The following FARP1 variants were observed in gnomAD, a reference collection of about 807,000 sequenced individuals.
FARP1 encodes FERM, ARH/RhoGEF and pleckstrin domain protein 1.
A neutral mutation model predicts 128.8 loss-of-function variants in FARP1; 52 were observed. The ratio of observed to expected loss-of-function variants is 0.40; its 90% CI spans 0.32 to 0.51. FARP1 has a LOEUF of 0.51. FARP1 is among the 20% of genes least tolerant of loss of function. The pLI, the probability that FARP1 is intolerant of heterozygous loss-of-function variation, is 0.45. For synonymous variants in FARP1, 580 were observed against 551.8 expected, an observed-to-expected ratio of 1.05 and a Z score of -0.72; for missense variants, 1,333 against 1,367.9, an observed-to-expected ratio of 0.97 and a Z score of 0.40.
At chr13:98,288,548 A>G (rs925118065) in intron 2 of FARP1, among the ~76,000 whole-genome samples, 4 of 151,832 alleles carry the variant, frequency 2.6e-5, no homozygotes, top group African/African-American at 7.3e-5. Context: ...CCCATCACCA[A>G]CCCCTTCACT....
chr13:98,418,644 A>C (rs1257708784), intron 16 of FARP1, among the ~76,000 whole-genome samples: 1 of 152,196 alleles, frequency 6.6e-6, no homozygotes, highest in Non-Finnish European at 1.5e-5. Context: ...GTGACTATAT[A>C]GCTCACAGTG....
At chr13:98,202,319 A>T (rs1443310398) in intron 1 of FARP1, among the ~76,000 whole-genome samples, 2 of 152,128 alleles carry the variant, frequency 1.3e-5, no homozygotes, top group African/African-American at 4.8e-5. Context: ...TGGGTGTCTG[A>T]CACTTGATTT....
chr13:98,300,301 G>A (rs2139696207), intron 2 of FARP1, among the ~76,000 whole-genome samples: 1 of 152,316 alleles, frequency 6.6e-6, no homozygotes, highest in African/African-American at 2.4e-5. Context: ...AGGTCACTGG[G>A]AACTGTTCCT....
intron 2 of FARP1, among the ~76,000 whole-genome samples, chr13:98,334,836 C>T (rs7330530): frequency 0.012 from 1,893 of 152,288 alleles, 39 homozygotes; most frequent in African/African-American, 0.044. Context: ...GCAAGCCAGG[C>T]AGGGAGCCCT....
rs368153237 is a variant in FARP1, at chr13:98,411,949, A to G, written c.1741A>G (p.Lys581Glu). The G allele has an allele frequency of 4.3e-6, 7 of 1,613,976 alleles. No homozygotes were observed. The East Asian group carries it at 1.1e-4, about 26-fold the overall frequency. The change falls in exon 16 of 27, where the codon AAA becomes GAA. Residue 581 changes from lysine to glutamate, a missense_variant. Physicochemically the swap from Lys to Glu is moderately conservative, Grantham distance 56 (BLOSUM62 1). Around this residue, in one of 2 missense-constraint regions of FARP1, gnomAD observed 1,009 missense variants for 969.8 expected, o/e 1.04. Coordinates refer to ENST00000319562, the MANE Select transcript of FARP1 (RefSeq NM_005766.4). The stretch of plus-strand genomic sequence containing the variant: ...AGAGGACGCCATGCCGGAAGCACTG[A>G]AAAGTCTCATATTCCCGAATTTTGA... ...SKEDAMPEAL[K>E]SLIFPNFEPL...
chr13:98,309,665 G>A (rs1466739947), intron 2 of FARP1, among the ~76,000 whole-genome samples: 1 of 152,136 alleles, frequency 6.6e-6, no homozygotes, highest in East Asian at 1.9e-4. Context: ...CGAAAGGAGG[G>A]AGGAGTTGCC....
chr13:98,414,207 A>G (rs1891294726), intron 16 of FARP1, among the ~76,000 whole-genome samples: 1 of 152,236 alleles, frequency 6.6e-6, no homozygotes, highest in Non-Finnish European at 1.5e-5. Flanking sequence ...TCAGTAGAGT[A>G]TCTTTCTAAG....
At chr13:98,442,474 G>A (rs1230348774) in intron 24 of FARP1, among the ~76,000 whole-genome samples, 2 of 152,188 alleles carry the variant, frequency 1.3e-5, no homozygotes, top group Non-Finnish European at 2.9e-5. Flanking sequence ...GCTCCCCCAC[G>A]GGCACAGCCT....
chr13:98,164,247 G>A (rs888762051), intron 1 of FARP1, among the ~76,000 whole-genome samples: 3 of 152,154 alleles, frequency 2.0e-5, no homozygotes. Flanking sequence ...GGGCCACCTT[G>A]GTCCGTTTTG....
At chr13:98,174,020 C>T (rs1429711247) in intron 1 of FARP1, among the ~76,000 whole-genome samples, 1 of 152,202 alleles carries the variant, frequency 6.6e-6, no homozygotes, top group Admixed American at 6.5e-5. Flanking sequence ...CCCTGCAGTC[C>T]TGCTTGCTTC....
intron 2 of FARP1, among the ~76,000 whole-genome samples, chr13:98,324,112 A>G (rs1211128922): frequency 2.0e-5 from 3 of 152,196 alleles, no homozygotes; most frequent in African/African-American, 7.2e-5. Context: ...ATAGTCCTTT[A>G]TTTCATGCGT....
chr13:98,184,273 C>A (rs1878717468), intron 1 of FARP1, among the ~76,000 whole-genome samples: 1 of 151,932 alleles, frequency 6.6e-6, no homozygotes, highest in Non-Finnish European at 1.5e-5. Flanking sequence ...GCCTGCCACC[C>A]CACCCGGCTA....
At chr13:98,301,600 G>A (rs1885927648) in intron 2 of FARP1, among the ~76,000 whole-genome samples, 1 of 152,148 alleles carries the variant, frequency 6.6e-6, no homozygotes, top group African/African-American at 2.4e-5. Context: ...TGAAAGCTCA[G>A]CGTTTTCTAG....
intron 2 of FARP1, among the ~76,000 whole-genome samples, chr13:98,221,219 T>G (rs1881396329): frequency 6.6e-6 from 1 of 152,210 alleles, no homozygotes; most frequent in African/African-American, 2.4e-5. Flanking sequence ...GAAAGTAGGT[T>G]GTCTTCCTTC....
At chr13:98,367,892 C>CT (rs960095368) in intron 4 of FARP1, among the ~76,000 whole-genome samples, 2 of 152,094 alleles carry the variant, frequency 1.3e-5, no homozygotes, top group African/African-American at 4.8e-5. Flanking sequence ...CTATGTAGTA[C>CT]TTTTGTCACA....
At chr13:98,399,419 C>G (rs1890674463) in intron 13 of FARP1, 1 of 152,274 alleles carries the variant, frequency 6.6e-6, no homozygotes, top group South Asian at 2.1e-4. Flanking sequence ...TTTGGGGAGA[C>G]TCCAGTCCCC....
chr13:98,271,244 C>A (rs148475703), intron 2 of FARP1, among the ~76,000 whole-genome samples: 1 of 152,162 alleles, frequency 6.6e-6, no homozygotes, highest in African/African-American at 2.4e-5. Flanking sequence ...CTAATGAAAT[C>A]TAGAGTTTGG....
intron 1 of FARP1, among the ~76,000 whole-genome samples, chr13:98,203,106 C>A (rs1880051960): frequency 6.6e-6 from 1 of 152,204 alleles, no homozygotes; most frequent in Non-Finnish European, 1.5e-5. Context: ...CAGTCCCCAG[C>A]CTGCCTTGCT....
In FARP1 at chr13:98,257,447, A is replaced by G. The variant is rs570500837; in HGVS notation, c.171+44034A>G. 2.0e-5 allele frequency among the ~76,000 whole-genome samples: 3 copies of G among 151,698 alleles called. No homozygotes were observed. In the South Asian group the frequency reaches 6.2e-4, roughly 32 times the overall value. ...GTACGCCCTTCTTTCTGCACTATCT[A>G]TTATACATCTGTTTGAATCCCTCTT... On this transcript the variant is annotated intron_variant, in intron 2 of 26. Coordinates refer to ENST00000319562, the MANE Select transcript of FARP1 (RefSeq NM_005766.4).
Sources: gnomAD v4.1 joint callset for allele counts (sites outside exome capture counted in the v4.1 genomes callset) on GRCh38, gnomAD v4.1.1 for gene constraint, gnomAD v4.1.1 regional missense constraint, MANE v1.5 for transcripts, NCBI Gene and HGNC (gene_info 2026-07-23, HGNC 2026-07-21) for gene names.